Variants in FAM107B observed in about 807,000 individuals in gnomAD.
FAM107B encodes the protein family with sequence similarity 107 member B.
Under a neutral mutation model 31.5 loss-of-function variants are expected in FAM107B, and 21 were observed. That is an observed-to-expected ratio of 0.67 (90% CI 0.47 to 0.96). The LOEUF is 0.96. FAM107B is among the 40% of genes least tolerant of loss of function. The pLI, the probability that FAM107B is intolerant of heterozygous loss-of-function variation, is 0.00. For missense variants in FAM107B, 452 were observed against 377.1 expected (o/e 1.20, Z -1.64); for synonymous variants, 157 against 141.5 (o/e 1.11, Z -0.78).
intron 1 of FAM107B, among the ~76,000 whole-genome samples, chr10:14,749,774 G>T (rs1832792220): frequency 6.6e-6 from 1 of 152,148 alleles, no homozygotes; most frequent in African/African-American, 2.4e-5. Flanking sequence ...AAAATTGCCA[G>T]CAACCATGTC....
At position 14,561,347 on chromosome 10, in the gene FAM107B, T is replaced by C. The variant is rs555700590; in HGVS notation, c.470-30832A>G. ...ATGCAGGGAAATACAGGTAAGGCAA[T>C]GGAGTGGCAGGGTGCACTATTGTGG... On this transcript the variant is annotated intron_variant, in intron 2 of 4. Transcript: ENST00000181796. 2.0e-5 allele frequency among the ~76,000 whole-genome samples: 3 copies of C among 152,194 alleles called. No homozygotes were observed. In the South Asian group the frequency reaches 6.2e-4, roughly 32 times the overall value.
chr10:14,686,878 C>T (rs1428680521), intron 1 of FAM107B, among the ~76,000 whole-genome samples: 2 of 152,230 alleles, frequency 1.3e-5, no homozygotes, highest in Non-Finnish European at 2.9e-5. Flanking sequence ...CTGGGCCCCA[C>T]CAATGCCCAG....
At chr10:14,560,055 C>T (rs1305850057) in intron 2 of FAM107B, among the ~76,000 whole-genome samples, 2 of 152,180 alleles carry the variant, frequency 1.3e-5, no homozygotes, top group East Asian at 1.9e-4. Context: ...GTGCCAGGCA[C>T]TCTACAACCC....
At chr10:14,559,727 G>A (rs12266654) in intron 2 of FAM107B, among the ~76,000 whole-genome samples, 71,726 of 146,544 alleles carry the variant, frequency 0.49, 17,383 homozygotes, top group South Asian at 0.64. Context: ...GCCAGCCACC[G>A]CGCCTGGCTA....
intron 2 of FAM107B, among the ~76,000 whole-genome samples, chr10:14,661,240 T>C (rs1031528528): frequency 1.3e-5 from 2 of 152,180 alleles, no homozygotes; most frequent in African/African-American, 4.8e-5. Context: ...AACGGACTAA[T>C]TTACCAGAAA....
intron 2 of FAM107B, among the ~76,000 whole-genome samples, chr10:14,539,445 C>T (rs1360750326): frequency 6.6e-6 from 1 of 151,932 alleles, no homozygotes; most frequent in African/African-American, 2.4e-5. Context: ...TAAAAAGAGG[C>T]ATTTTCTATA....
chr10:14,706,998 G>A (rs962884785), intron 1 of FAM107B, among the ~76,000 whole-genome samples: 32 of 152,044 alleles, frequency 2.1e-4, no homozygotes, highest in African/African-American at 6.0e-4. Context: ...GGTGGCACGC[G>A]CCTGTAGTCC....
At chr10:14,597,724 C>T (rs75320215) in intron 2 of FAM107B, among the ~76,000 whole-genome samples, 92 of 152,084 alleles carry the variant, frequency 6.0e-4, no homozygotes, top group Non-Finnish European at 8.7e-4. Flanking sequence ...GATTGGCAGG[C>T]GGATCATTTG....
intron 1 of FAM107B, among the ~76,000 whole-genome samples, chr10:14,763,089 C>A (rs972999567): frequency 6.6e-6 from 1 of 152,082 alleles, no homozygotes; most frequent in Non-Finnish European, 1.5e-5. Context: ...ATGGCAAACC[C>A]CATCTCTACT....
intron 2 of FAM107B, among the ~76,000 whole-genome samples, chr10:14,647,206 T>C (rs995174766): frequency 6.6e-6 from 1 of 152,138 alleles, no homozygotes; most frequent in African/African-American, 2.4e-5. Context: ...TATTTGTTGG[T>C]TGAATGAATG....
At chr10:14,723,938 T>A in intron 1 of FAM107B, 1 of 750,594 alleles carries the variant, frequency 1.3e-6, no homozygotes, top group East Asian at 2.5e-5. Flanking sequence ...CTTTTCCTTT[T>A]ATAGATGTGC....
chr10:14,638,710 C>T (rs1244002156), intron 2 of FAM107B, among the ~76,000 whole-genome samples: 1 of 152,096 alleles, frequency 6.6e-6, no homozygotes, highest in East Asian at 1.9e-4. Flanking sequence ...TTTTTTATTC[C>T]TTACTATTCT....
At chr10:14,670,299 C>T (rs1465386098) in intron 1 of FAM107B, among the ~76,000 whole-genome samples, 2 of 152,106 alleles carry the variant, frequency 1.3e-5, no homozygotes, top group African/African-American at 2.4e-5. Context: ...GTAAATAAGG[C>T]CTCAGTTCAA....
At chr10:14,738,681 G>A (rs1047847735) in intron 1 of FAM107B, among the ~76,000 whole-genome samples, 3 of 152,190 alleles carry the variant, frequency 2.0e-5, no homozygotes, top group Non-Finnish European at 4.4e-5. Flanking sequence ...GGAAGGTAAG[G>A]AATCCAGACA....
At position 14,571,788 on chromosome 10, in the gene FAM107B, G is replaced by C. The variant is rs539939277; in HGVS notation, c.470-41273C>G. 1.2e-5 allele frequency: 12 copies of C among 985,264 alleles called. No individual in the cohort carries two copies. The Admixed American group carries it at 7.4e-4, about 61-fold the overall frequency. The allele number at this position is 985,264 out of a possible 1,614,324, so 61.0% of individuals were successfully genotyped here. A position where few individuals can be genotyped will look rare whatever the true frequency, so the allele number is the denominator to read the frequency against. ...CTCAGATATCTATTTTCTTGTTTAT[G>C]TTTTAATCATGGGCATTCAAGGTGG... On this transcript the variant is annotated intron_variant, in intron 2 of 4. Coordinates refer to ENST00000181796, the MANE Select transcript of FAM107B (RefSeq NM_031453.4).
At chr10:14,723,691 A>G (rs1160142097) in intron 1 of FAM107B, 3 of 753,894 alleles carry the variant, frequency 4.0e-6, no homozygotes, top group Non-Finnish European at 7.3e-6. Context: ...AGTAACCACA[A>G]GAAGTCATGG....
chr10:14,712,023 C>G (rs760736703), intron 1 of FAM107B, among the ~76,000 whole-genome samples: 10 of 152,152 alleles, frequency 6.6e-5, no homozygotes, highest in Non-Finnish European at 1.0e-4. Context: ...CTGTAGTAGT[C>G]TAAGGCTTAA....
intron 2 of FAM107B, among the ~76,000 whole-genome samples, chr10:14,645,136 G>C (rs1436582637): frequency 6.6e-6 from 1 of 152,148 alleles, no homozygotes; most frequent in Non-Finnish European, 1.5e-5. Flanking sequence ...TATGCCTGAG[G>C]AACCACTTAG....
chr10:14,692,875 T>A (rs1176871892), intron 1 of FAM107B, among the ~76,000 whole-genome samples: 2 of 152,304 alleles, frequency 1.3e-5, no homozygotes, highest in African/African-American at 4.8e-5. Context: ...GGCCAGTGAC[T>A]TTTACGAGCC....
Sources: gnomAD v4.1 joint callset for allele counts (sites outside exome capture counted in the v4.1 genomes callset) on GRCh38, gnomAD v4.1.1 for gene constraint, MANE v1.5 for transcripts, NCBI Gene and HGNC (gene_info 2026-07-23, HGNC 2026-07-21) for gene names.